Variants in GPR39 observed in about 807,000 individuals in gnomAD.
GPR39 encodes G protein-coupled receptor 39.
GPR39 carries 23 observed loss-of-function variants against 18.4 expected under a neutral mutation model. The observed-to-expected ratio is 1.25, with a 90% CI of 0.90 to 1.77. The LOEUF is 1.77. Among genes scored for constraint, GPR39 ranks in the 40% most tolerant of loss-of-function variants. The pLI is 0.00. For synonymous variants in GPR39, 280 were observed against 257.9 expected (o/e 1.09, Z -0.82); for missense variants, 647 against 602.4 (o/e 1.07, Z -0.78).
At chr2:132,642,168 C>T in intron 1 of GPR39, among the ~76,000 whole-genome samples, 1 of 152,206 alleles carries the variant, frequency 6.6e-6, no homozygotes, top group East Asian at 1.9e-4. Flanking sequence ...TTTCAAAACA[C>T]CCATCTGGTG....
intron 1 of GPR39, among the ~76,000 whole-genome samples, chr2:132,438,633 C>T (rs1056461696): frequency 1.5e-5 from 2 of 129,992 alleles, no homozygotes; most frequent in Non-Finnish European, 3.1e-5. Flanking sequence ...AAAAAATATG[C>T]GACAGTACTA....
intron 1 of GPR39, among the ~76,000 whole-genome samples, chr2:132,418,895 C>A (rs747665361): frequency 2.0e-4 from 30 of 152,178 alleles, no homozygotes; most frequent in Non-Finnish European, 3.2e-4. Context: ...TCCCTCTCCC[C>A]TGTGGCATCA....
At chr2:132,539,341 A>G (rs1410545447) in intron 1 of GPR39, among the ~76,000 whole-genome samples, 6 of 152,012 alleles carry the variant, frequency 3.9e-5, no homozygotes, top group African/African-American at 1.2e-4. Context: ...GTGACGCCTC[A>G]CCCTGCTTCT....
chr2:132,420,682 G>C (rs1013199635), intron 1 of GPR39, among the ~76,000 whole-genome samples: 2 of 152,134 alleles, frequency 1.3e-5, no homozygotes, highest in African/African-American at 4.8e-5. Context: ...ATTGTTCGCC[G>C]CTCGTTGTTA....
chr2:132,469,658 A>C (rs796723336), intron 1 of GPR39, among the ~76,000 whole-genome samples: 3 of 152,316 alleles, frequency 2.0e-5, no homozygotes, highest in African/African-American at 7.2e-5. Context: ...CACCTGCCCC[A>C]GACAGTGCAA....
At chr2:132,471,882 C>T (rs1681039229) in intron 1 of GPR39, among the ~76,000 whole-genome samples, 1 of 152,130 alleles carries the variant, frequency 6.6e-6, no homozygotes, top group South Asian at 2.1e-4. Context: ...GGATTTCCAA[C>T]AAAAGCTCTG....
chr2:132,487,391 G>T (rs1681362401), intron 1 of GPR39, among the ~76,000 whole-genome samples: 1 of 152,180 alleles, frequency 6.6e-6, no homozygotes, highest in Non-Finnish European at 1.5e-5. Context: ...TTGATGCAGT[G>T]TTGCCACATG....
chr2:132,588,310 G>C (rs973036356), intron 1 of GPR39, among the ~76,000 whole-genome samples: 8 of 152,104 alleles, frequency 5.3e-5, no homozygotes, highest in African/African-American at 9.7e-5. Context: ...TGTATCCCTT[G>C]GTGGGAGGGA....
intron 1 of GPR39, among the ~76,000 whole-genome samples, chr2:132,418,802 A>G (rs776824210): frequency 6.6e-6 from 1 of 152,162 alleles, no homozygotes; most frequent in African/African-American, 2.4e-5. Flanking sequence ...TTTAAAATAT[A>G]TTTTTTTAGC....
chr2:132,640,966 C>T (rs944027738), intron 1 of GPR39, among the ~76,000 whole-genome samples: 3 of 152,212 alleles, frequency 2.0e-5, no homozygotes, highest in African/African-American at 7.2e-5. Flanking sequence ...ACCGTGCTCA[C>T]TGGTACATGT....
intron 1 of GPR39, among the ~76,000 whole-genome samples, chr2:132,456,352 T>C (rs1162684286): frequency 6.6e-6 from 1 of 152,010 alleles, no homozygotes; most frequent in Non-Finnish European, 1.5e-5. Flanking sequence ...TCCATCCCTT[T>C]ATTTTGAGAC....
intron 1 of GPR39, among the ~76,000 whole-genome samples, chr2:132,526,839 A>T (rs1185357351): frequency 6.6e-6 from 1 of 152,236 alleles, no homozygotes; most frequent in African/African-American, 2.4e-5. Context: ...TAGCAAATGT[A>T]CTTTATGCTT....
chr2:132,457,603 G>C (rs925264878), intron 1 of GPR39, among the ~76,000 whole-genome samples: 1 of 152,222 alleles, frequency 6.6e-6, no homozygotes, highest in Non-Finnish European at 1.5e-5. Flanking sequence ...ACCCACTTGA[G>C]GAGGCAGTCT....
At chr2:132,463,088 A>C (rs371868795) in intron 1 of GPR39, among the ~76,000 whole-genome samples, 13 of 152,282 alleles carry the variant, frequency 8.5e-5, no homozygotes, top group Middle Eastern at 3.4e-3. Flanking sequence ...TGCACCAGGC[A>C]CTGTTCTAGG....
intron 1 of GPR39, among the ~76,000 whole-genome samples, chr2:132,481,451 C>T (rs1313890491): frequency 6.6e-6 from 1 of 152,102 alleles, no homozygotes; most frequent in East Asian, 1.9e-4. Context: ...GTTTGCTATA[C>T]CAGGAGGTAA....
intron 1 of GPR39, among the ~76,000 whole-genome samples, chr2:132,499,436 G>A (rs112209153): frequency 0.014 from 2,059 of 152,224 alleles, 26 homozygotes; most frequent in South Asian, 0.045. Flanking sequence ...CCAGTTCCAT[G>A]CTGTTTTGGT....
In GPR39 at chr2:132,465,242, G is replaced by A. The variant is rs138189338; in HGVS notation, c.856+47344G>A. 6.5e-3 allele frequency among the ~76,000 whole-genome samples: 988 copies of A among 152,176 alleles called. 3 individuals are homozygous for A. The highest frequency in any genetic ancestry group is 0.01 in the Middle Eastern group (3 of 294). The stretch of plus-strand genomic sequence containing the variant: ...CTGATCAGATCTGGGCAGTCGCCTG[G>A]ACAAATCTGTAAGGATAGATTACCA... On this transcript the variant is annotated intron_variant, in intron 1 of 1. Transcript: ENST00000329321.
At chr2:132,612,479 TC>T (rs1270461999) in intron 1 of GPR39, among the ~76,000 whole-genome samples, 1 of 152,202 alleles carries the variant, frequency 6.6e-6, no homozygotes, top group Non-Finnish European at 1.5e-5. Context: ...AAGCTATCTT[TC>T]ACACTTAGAT....
chr2:132,450,171 T>G (rs1376866944), intron 1 of GPR39, among the ~76,000 whole-genome samples: 1 of 152,188 alleles, frequency 6.6e-6, no homozygotes. Context: ...GGGCTGAGAT[T>G]TGCATGAAAG....
Sources: allele counts gnomAD v4.1 joint callset (sites outside exome capture counted in the v4.1 genomes callset), GRCh38; gene constraint gnomAD v4.1.1; transcripts MANE v1.5; gene names NCBI Gene and HGNC (gene_info 2026-07-23, HGNC 2026-07-21).